The following KANK1 variants were observed in gnomAD, a reference collection of about 807,000 sequenced individuals.
KANK1 encodes the protein KN motif and ankyrin repeat domains 1, also known as KN motif and ankyrin repeat domain-containing protein 1.
In KANK1, 109 loss-of-function variants were observed where a neutral mutation model predicts 106.2. The ratio of observed to expected loss-of-function variants is 1.03; its 90% CI spans 0.88 to 1.20. The LOEUF is 1.20. Ranked by LOEUF, KANK1 falls within the 50% of genes most tolerant of loss-of-function variation. KANK1 has a pLI of 0.00. For synonymous variants in KANK1, 873 were observed against 652.2 expected (o/e 1.34, Z -5.16); for missense variants, 2,399 against 1,710.7 (o/e 1.40, Z -7.10).
At chr9:470,433 T>C (rs2057996616) in intron 1 of KANK1, 1 of 152,310 alleles carries the variant, frequency 6.6e-6, no homozygotes, top group South Asian at 2.1e-4. Context: ...ACTGTGAAGC[T>C]CAGGGAAAGG....
At chr9:731,403 A>C in intron 5 of KANK1, 137 bp downstream of exon 5, 1 of 555,596 alleles carries the variant, frequency 1.8e-6, no homozygotes, top group South Asian at 2.1e-5. Context: ...AAAGGCAGAA[A>C]GGTGCATTTG....
chr9:740,760 C>CCT, intron 8 of KANK1, 32 bp from the exon 9 acceptor site: 1 of 1,588,178 alleles, frequency 6.3e-7, no homozygotes, highest in Non-Finnish European at 8.5e-7. Flanking sequence ...GGGGCTGCTT[C>CCT]CTAAGAGACT....
At position 738,322 on chromosome 9, in the gene KANK1, G is replaced by T. The variant is rs114055800; in HGVS notation, c.3371G>T (p.Arg1124Leu). 6.2e-7 allele frequency: 1 copy of T among 1,613,984 alleles called. No homozygotes were observed. The highest frequency in any genetic ancestry group is 1.1e-5 in the South Asian group (1 of 91,008). The stretch of plus-strand genomic sequence containing the variant: ...AACACCCTCCAGCACGAGTGGTTCC[G>T]CGTGTCCAGTCAGAAGTCAGCCATT... ...CLNTLQHEWF[R>L]VSSQKSAIPA... The change falls in exon 8 of 12, where the codon CGC becomes CTC. Residue 1124 changes from arginine to leucine, a missense_variant. Physicochemically the swap from Arg to Leu is moderately radical, Grantham distance 102 (BLOSUM62 -2). Transcript: ENST00000382297.
At chr9:497,217 A>C (rs2058469971) in intron 3 of KANK1, among the ~76,000 whole-genome samples, 2 of 152,300 alleles carry the variant, frequency 1.3e-5, no homozygotes, top group South Asian at 4.1e-4. Flanking sequence ...CTCAAAAAAA[A>C]GAAAAAAAGG....
chr9:613,073 G>C (rs1343809584), intron 1 of KANK1, among the ~76,000 whole-genome samples: 1 of 152,020 alleles, frequency 6.6e-6, no homozygotes, highest in Non-Finnish European at 1.5e-5. Flanking sequence ...GATATCAAGA[G>C]GAGGAAATAT....
intron 1 of KANK1, among the ~76,000 whole-genome samples, chr9:606,670 G>T (rs905205726): frequency 6.6e-6 from 1 of 150,432 alleles, no homozygotes; most frequent in African/African-American, 2.5e-5. Flanking sequence ...GAAAATAAAA[G>T]ATGCAGTATG....
At chr9:635,749 A>T (rs1299763015) in intron 1 of KANK1, among the ~76,000 whole-genome samples, 1 of 118,778 alleles carries the variant, frequency 8.4e-6, no homozygotes, top group Non-Finnish European at 1.6e-5. Flanking sequence ...CCCAGGCTGG[A>T]GTGCAGTGGC....
intron 1 of KANK1, among the ~76,000 whole-genome samples, chr9:659,258 A>G (rs1401550543): frequency 6.6e-6 from 1 of 152,164 alleles, no homozygotes; most frequent in Non-Finnish European, 1.5e-5. Flanking sequence ...TTAAAATTAG[A>G]GGATATTCTT....
Position 724,806 on chromosome 9 carries a change from A to T in KANK1, c.2699-5245A>T, listed in dbSNP as rs1404782896. ...GACAGAGCGAGACTCAATCTCAAAA[A>T]AAACAAGAGTGTTCTGGCATTCAGT... On this transcript the variant is annotated intron_variant, in intron 3 of 11. Coordinates refer to ENST00000382297, the MANE Select transcript of KANK1 (RefSeq NM_015158.5). Among the ~76,000 whole-genome samples the T allele has an allele frequency of 2.0e-5, 3 of 152,124 alleles. No individual in the cohort carries two copies. The East Asian group carries it at 5.8e-4, about 29-fold the overall frequency.
chr9:583,091 T>C (rs1822575170), intron 1 of KANK1, among the ~76,000 whole-genome samples: 1 of 152,206 alleles, frequency 6.6e-6, no homozygotes, highest in East Asian at 1.9e-4. Flanking sequence ...GTGCAGAACC[T>C]AGTAACTTGG....
At chr9:737,634 G>A (rs752070891) in intron 7 of KANK1, among the ~76,000 whole-genome samples, 3 of 152,094 alleles carry the variant, frequency 2.0e-5, no homozygotes, top group African/African-American at 2.4e-5. Context: ...AGTTCCAGAC[G>A]GGGTTCCCTT....
intron 2 of KANK1, chr9:680,766 G>A (rs1277975093): frequency 6.6e-6 from 1 of 152,234 alleles, no homozygotes; most frequent in Admixed American, 6.5e-5. Flanking sequence ...CCACTTTCGT[G>A]CGCGGCCCTA....
In KANK1 at chr9:623,059, G is replaced by T. The variant is rs116994437; in HGVS notation, c.-83-53831G>T. 1.4e-4 allele frequency among the ~76,000 whole-genome samples: 21 copies of T among 152,204 alleles called. No homozygotes were observed. In the East Asian group the frequency reaches 4.1e-3, roughly 29 times the overall value. ...AACAAAAGCAAAAACATACAAGTGGGACTACATCAAGCCAAAAAGCTTCTG... is the reference window on the plus strand; with the variant it reads ...AACAAAAGCAAAAACATACAAGTGGTACTACATCAAGCCAAAAAGCTTCTG... On this transcript the variant is annotated intron_variant, in intron 1 of 11. Coordinates refer to ENST00000382297, the MANE Select transcript of KANK1 (RefSeq NM_015158.5).
intron 1 of KANK1, among the ~76,000 whole-genome samples, chr9:520,232 G>T (rs903106250): frequency 1.3e-5 from 2 of 151,784 alleles, no homozygotes; most frequent in Admixed American, 1.3e-4. Context: ...CGGCTACCTG[G>T]GAGGTGGAGG....
Position 730,119 on chromosome 9 carries a change from T to G in KANK1, c.2767T>G (p.Ser923Ala), listed in dbSNP as rs199939781. ...QSGSPLSSQT[S>A]QPEQEVGTSE... is the part of the protein sequence containing the mutation. ...AGGAAGTCCCTTAAGCTCCCAGACA[T>G]CCCAGCCTGAGCAAGAAGTGGGGAC... Residue 923 changes from serine to alanine, a missense_variant, in exon 4 of 12, where the codon TCC becomes GCC. Ser to Ala is a moderately conservative substitution (Grantham distance 99, BLOSUM62 1). Transcript: ENST00000382297. The G allele has an allele frequency of 6.2e-7, 1 of 1,614,140 alleles. No homozygotes were observed. Among genetic ancestry groups the G allele is most frequent in the Non-Finnish European group, 8.5e-7 (1 of 1,180,014 alleles).
chr9:545,838 C>T (rs940134093), intron 1 of KANK1, among the ~76,000 whole-genome samples: 2 of 150,562 alleles, frequency 1.3e-5, no homozygotes, highest in Non-Finnish European at 2.9e-5. Flanking sequence ...CTCTGCCTCA[C>T]GGGTTCAGGT....
In KANK1 at chr9:700,844, G is replaced by A. The variant is rs191895451; in HGVS notation, c.38-9960G>A. On this transcript the variant is annotated intron_variant, in intron 2 of 11. Coordinates refer to ENST00000382297, the MANE Select transcript of KANK1 (RefSeq NM_015158.5). The stretch of plus-strand genomic sequence containing the variant: ...TTCACAGCACCGTCAGTCAGTAACT[G>A]GGCCTAGAGTGTGCAGCAGTGAAAT... 7.2e-5 allele frequency among the ~76,000 whole-genome samples: 11 copies of A among 152,298 alleles called. No homozygotes were observed. The East Asian group carries it at 2.1e-3, about 29-fold the overall frequency.
At chr9:503,243 GGGT>G (rs1314477197), upstream of KANK1, among the ~76,000 whole-genome samples, 1 of 151,940 alleles carries the variant, frequency 6.6e-6, no homozygotes, top group Admixed American at 6.6e-5. Flanking sequence ...ATTTGGGGCG[GGGT>G]GGTGGTGGTG....
intron 1 of KANK1, among the ~76,000 whole-genome samples, chr9:606,966 C>G (rs1294948276): frequency 7.0e-6 from 1 of 143,742 alleles, no homozygotes; most frequent in Non-Finnish European, 1.5e-5. Context: ...AGTGTAGTTG[C>G]CCGTTCACAT....
Sources: allele counts gnomAD v4.1 joint callset (sites outside exome capture counted in the v4.1 genomes callset), GRCh38; gene constraint gnomAD v4.1.1; transcripts MANE v1.5; gene names NCBI Gene and HGNC (gene_info 2026-07-23, HGNC 2026-07-21).